The following THSD7B variants were observed in gnomAD, a reference collection of about 807,000 sequenced individuals.
THSD7B encodes thrombospondin type 1 domain containing 7B.
In THSD7B, 138 loss-of-function variants were observed where a neutral mutation model predicts 213.6. That is an observed-to-expected ratio of 0.65 (90% CI 0.56 to 0.74). The LOEUF is 0.74. THSD7B is among the 30% of genes least tolerant of loss of function. The probability of loss-of-function intolerance (pLI) is 0.00; values close to 1 mark genes in which losing one functional copy is unlikely to be tolerated. For missense variants in THSD7B, 1,931 were observed against 1,991.5 expected, an observed-to-expected ratio of 0.97 and a Z score of 0.58; for synonymous variants, 742 against 687.0, an observed-to-expected ratio of 1.08 and a Z score of -1.25.
intron 7 of THSD7B, among the ~76,000 whole-genome samples, chr2:137,205,862 T>C (rs1353326371): frequency 6.6e-6 from 1 of 151,662 alleles, no homozygotes; most frequent in Non-Finnish European, 1.5e-5. Context: ...CTACTTGCTC[T>C]TCTAATACAT....
intron 1 of THSD7B, among the ~76,000 whole-genome samples, chr2:136,799,067 T>C (rs961728028): frequency 6.6e-6 from 1 of 152,052 alleles, no homozygotes; most frequent in African/African-American, 2.4e-5. Flanking sequence ...CCTTTCCTGA[T>C]GAAAGAACTT....
intron 21 of THSD7B, among the ~76,000 whole-genome samples, chr2:137,645,471 T>C (rs1294657863): frequency 2.0e-5 from 3 of 152,194 alleles, no homozygotes. Flanking sequence ...AATGTTTGCT[T>C]TATGACAGAA....
intron 1 of THSD7B, among the ~76,000 whole-genome samples, chr2:136,862,512 A>C (rs915293668): frequency 8.5e-5 from 13 of 152,188 alleles, no homozygotes; most frequent in African/African-American, 2.9e-4. Context: ...TATGAGTATG[A>C]AAAAAATAAT....
intron 10 of THSD7B, among the ~76,000 whole-genome samples, chr2:137,243,518 C>T (rs1366670181): frequency 6.6e-6 from 1 of 152,176 alleles, no homozygotes; most frequent in Non-Finnish European, 1.5e-5. Context: ...GCACCAGCCT[C>T]CTGGAAGAAG....
chr2:137,381,227 G>A (rs1685766616), intron 12 of THSD7B, among the ~76,000 whole-genome samples: 1 of 152,188 alleles, frequency 6.6e-6, no homozygotes, highest in Non-Finnish European at 1.5e-5. Context: ...AAACCTGGGT[G>A]GCAGTAGATG....
intron 4 of THSD7B, among the ~76,000 whole-genome samples, chr2:137,099,801 T>C (rs10166002): frequency 0.33 from 50,628 of 152,092 alleles, 10,604 homozygotes; most frequent in African/African-American, 0.59. Flanking sequence ...ATTACCTAGT[T>C]TTTGTGATAT....
At chr2:137,324,968 A>G (rs539440701) in intron 12 of THSD7B, among the ~76,000 whole-genome samples, 1 of 152,290 alleles carries the variant, frequency 6.6e-6, no homozygotes, top group African/African-American at 2.4e-5. Flanking sequence ...TTCATACTTA[A>G]CTGCATTCAA....
chr2:137,426,905 G>A (rs1687067792), intron 14 of THSD7B, among the ~76,000 whole-genome samples: 1 of 151,816 alleles, frequency 6.6e-6, no homozygotes, highest in Admixed American at 6.6e-5. Flanking sequence ...TTCAATAAGG[G>A]GTTAATACCC....
chr2:137,640,190 C>T (rs1268286326), intron 20 of THSD7B, among the ~76,000 whole-genome samples: 1 of 152,084 alleles, frequency 6.6e-6, no homozygotes, highest in Non-Finnish European at 1.5e-5. Flanking sequence ...CAGTCTTTCC[C>T]GTGCTATTCT....
chr2:136,966,465 G>C (rs1462963321), intron 2 of THSD7B, among the ~76,000 whole-genome samples: 1 of 152,068 alleles, frequency 6.6e-6, no homozygotes, highest in African/African-American at 2.4e-5. Flanking sequence ...GATATGCCCA[G>C]CTCAGCCTCC....
intron 2 of THSD7B, among the ~76,000 whole-genome samples, chr2:136,947,496 C>T (rs1014447947): frequency 6.6e-6 from 1 of 152,092 alleles, no homozygotes; most frequent in Admixed American, 6.6e-5. Context: ...TCTGTGTTAT[C>T]CATATGATTC....
intron 2 of THSD7B, among the ~76,000 whole-genome samples, chr2:136,941,290 G>T (rs1338561390): frequency 6.6e-6 from 1 of 152,084 alleles, no homozygotes; most frequent in African/African-American, 2.4e-5. Context: ...AGTTTTTGCT[G>T]TTGTGAATAG....
intron 12 of THSD7B, among the ~76,000 whole-genome samples, chr2:137,325,020 T>C (rs1262814536): frequency 2.0e-5 from 3 of 152,188 alleles, no homozygotes; most frequent in Admixed American, 1.3e-4. Flanking sequence ...CAGATTTCCT[T>C]GTGGTTTTGC....
At chr2:137,504,974 A>T (rs1351313702) in intron 15 of THSD7B, among the ~76,000 whole-genome samples, 1 of 151,602 alleles carries the variant, frequency 6.6e-6, no homozygotes, top group African/African-American at 2.4e-5. Context: ...GGAAGGGAGG[A>T]AGGGAGGAAT....
chr2:137,443,786 G>A (rs1558798908), intron 14 of THSD7B, among the ~76,000 whole-genome samples: 1 of 152,032 alleles, frequency 6.6e-6, no homozygotes, highest in Non-Finnish European at 1.5e-5. Flanking sequence ...GAAACTGGCT[G>A]ACACCGAAAT....
intron 1 of THSD7B, among the ~76,000 whole-genome samples, chr2:136,818,888 G>T (rs2104936345): frequency 6.6e-6 from 1 of 152,144 alleles, no homozygotes; most frequent in African/African-American, 2.4e-5. Flanking sequence ...AAGGAGAATT[G>T]TCATTTTAGG....
intron 5 of THSD7B, among the ~76,000 whole-genome samples, chr2:137,146,739 A>G (rs149918567): frequency 1.3e-5 from 2 of 152,276 alleles, no homozygotes; most frequent in African/African-American, 4.8e-5. Flanking sequence ...GATATATAGC[A>G]TATGTTTATT....
chr2:137,192,877 G>A (rs1558953235), intron 7 of THSD7B, among the ~76,000 whole-genome samples: 1 of 152,146 alleles, frequency 6.6e-6, no homozygotes. Context: ...GCTGAGTGGG[G>A]TTTTTAAATT....
At chr2:137,395,228 C>T (rs998571973) in intron 12 of THSD7B, among the ~76,000 whole-genome samples, 10 of 144,500 alleles carry the variant, frequency 6.9e-5, no homozygotes, top group Non-Finnish European at 1.4e-4. Context: ...AGAGGGCATC[C>T]CTGTCTTTTG....
Sources: gnomAD v4.1 joint callset for allele counts (sites outside exome capture counted in the v4.1 genomes callset) on GRCh38, gnomAD v4.1.1 for gene constraint, MANE v1.5 for transcripts, NCBI Gene and HGNC (gene_info 2026-07-23, HGNC 2026-07-21) for gene names.